NFIA: variants seen among roughly 807,000 people sequenced by gnomAD.
The protein encoded by NFIA is nuclear factor I A.
A neutral mutation model predicts 62.8 loss-of-function variants in NFIA; 8 were observed. The ratio of observed to expected loss-of-function variants is 0.13; its 90% confidence interval spans 0.07 to 0.23. The LOEUF (loss-of-function observed/expected upper bound fraction) is 0.23. NFIA is among the 10% of genes least tolerant of loss of function. The probability of loss-of-function intolerance (pLI) is 1.00; values close to 1 mark genes in which losing one functional copy is unlikely to be tolerated. For synonymous variants in NFIA, 235 were observed against 238.1 expected, an observed-to-expected ratio of 0.99 and a Z score of 0.12; for missense variants, 410 against 642.1, an observed-to-expected ratio of 0.64 and a Z score of 3.91.
intron 2 of NFIA, among the ~76,000 whole-genome samples, chr1:61,133,539 T>C (rs920038964): frequency 6.6e-6 from 1 of 152,168 alleles, no homozygotes; most frequent in Non-Finnish European, 1.5e-5. Context: ...CAGTAAATAT[T>C]TGTTGAGTGA....
At chr1:61,395,456 C>T (rs12072379) in intron 7 of NFIA, among the ~76,000 whole-genome samples, 1 of 151,878 alleles carries the variant, frequency 6.6e-6, no homozygotes, top group Admixed American at 6.6e-5. Context: ...GATTCCCTCC[C>T]TTTTTCTGTT....
chr1:61,450,890 C>G (rs968319446), intron 10 of NFIA, among the ~76,000 whole-genome samples: 1 of 152,108 alleles, frequency 6.6e-6, no homozygotes, highest in African/African-American at 2.4e-5. Context: ...TTTCTTTTTC[C>G]TCTAGAATGT....
intron 9 of NFIA, among the ~76,000 whole-genome samples, chr1:61,410,099 A>G (rs1201924474): frequency 6.6e-6 from 1 of 152,092 alleles, no homozygotes; most frequent in Non-Finnish European, 1.5e-5. Flanking sequence ...ATGGGGATCT[A>G]TTGAGGGAAA....
intron 10 of NFIA, among the ~76,000 whole-genome samples, chr1:61,426,979 C>T (rs984901636): frequency 6.6e-6 from 1 of 152,124 alleles, no homozygotes; most frequent in Admixed American, 6.5e-5. Flanking sequence ...GGTCCCCAGG[C>T]ACCTGGCAAG....
chr1:61,206,091 A>G (rs1652882748), intron 2 of NFIA, among the ~76,000 whole-genome samples: 1 of 151,786 alleles, frequency 6.6e-6, no homozygotes, highest in Non-Finnish European at 1.5e-5. Flanking sequence ...ATGCCCAACT[A>G]ATGTTTTTAA....
chr1:61,355,777 A>G (rs914511690), intron 5 of NFIA, among the ~76,000 whole-genome samples: 6 of 152,060 alleles, frequency 3.9e-5, no homozygotes, highest in African/African-American at 1.4e-4. Context: ...TGTAAAGACA[A>G]GGTCTCGCTA....
At chr1:61,441,359 C>A (rs1251222754) in intron 10 of NFIA, among the ~76,000 whole-genome samples, 5 of 138,964 alleles carry the variant, frequency 3.6e-5, no homozygotes, top group African/African-American at 5.3e-5. Flanking sequence ...GTCTGTGTAA[C>A]CTGTGCTTCC....
chr1:61,202,093 T>C (rs1323625755), intron 2 of NFIA, among the ~76,000 whole-genome samples: 2 of 152,202 alleles, frequency 1.3e-5, no homozygotes, highest in African/African-American at 4.8e-5. Context: ...TGCCCTGATA[T>C]TCCAGAAGGA....
intron 2 of NFIA, among the ~76,000 whole-genome samples, chr1:61,240,082 T>G (rs1655253083): frequency 2.0e-5 from 3 of 152,144 alleles, no homozygotes; most frequent in African/African-American, 7.2e-5. Context: ...TTCAGCATAA[T>G]GTCTTTCTAC....
chr1:61,132,373 ATTC>A (rs986563452), intron 2 of NFIA, among the ~76,000 whole-genome samples: 2 of 152,208 alleles, frequency 1.3e-5, no homozygotes, highest in Admixed American at 6.5e-5. Flanking sequence ...CAGTTTCAGT[ATTC>A]TTTTCACGAT....
chr1:61,167,526 C>T (rs575497843), intron 2 of NFIA, among the ~76,000 whole-genome samples: 16 of 152,168 alleles, frequency 1.1e-4, no homozygotes, highest in African/African-American at 2.4e-4. Flanking sequence ...TTTTTGGTAG[C>T]GGTGTTTCTG....
At chr1:61,093,612 A>T (rs1283582668) in intron 2 of NFIA, among the ~76,000 whole-genome samples, 1 of 152,244 alleles carries the variant, frequency 6.6e-6, no homozygotes, top group African/African-American at 2.4e-5. Context: ...TAACTTGAGG[A>T]TAGTAACAAT....
intron 2 of NFIA, among the ~76,000 whole-genome samples, chr1:61,218,060 T>A (rs1333477949): frequency 6.6e-6 from 1 of 152,234 alleles, no homozygotes; most frequent in Non-Finnish European, 1.5e-5. Flanking sequence ...TCCTAAGGCA[T>A]GATTATATAT....
At chr1:61,306,442 A>AT (rs2100340256) in intron 3 of NFIA, among the ~76,000 whole-genome samples, 1 of 151,406 alleles carries the variant, frequency 6.6e-6, no homozygotes, top group African/African-American at 2.4e-5. Context: ...TGCCTGGCTA[A>AT]TTTTGGTATT....
intron 2 of NFIA, among the ~76,000 whole-genome samples, chr1:61,202,287 G>T (rs1652555471): frequency 6.6e-6 from 1 of 152,166 alleles, no homozygotes; most frequent in East Asian, 1.9e-4. Context: ...TTTTGGGGAA[G>T]GAGGATGGAA....
intron 9 of NFIA, among the ~76,000 whole-genome samples, chr1:61,408,718 A>G (rs2100528917): frequency 6.6e-6 from 1 of 152,346 alleles, no homozygotes; most frequent in African/African-American, 2.4e-5. Flanking sequence ...TGGCTGTTCA[A>G]GTCTAAAGGA....
At chr1:61,236,890 A>G (rs536761636) in intron 2 of NFIA, among the ~76,000 whole-genome samples, 1 of 152,202 alleles carries the variant, frequency 6.6e-6, no homozygotes, top group Non-Finnish European at 1.5e-5. Flanking sequence ...AGAAAACAGA[A>G]CAACCTCTTT....
intron 3 of NFIA, among the ~76,000 whole-genome samples, 158 bp from the exon 4 acceptor site, chr1:61,332,354 A>T (rs1661341257): frequency 6.6e-6 from 1 of 152,242 alleles, no homozygotes; most frequent in South Asian, 2.1e-4. Context: ...CTATCTGCTT[A>T]GCTAAATGAC....
intron 2 of NFIA, among the ~76,000 whole-genome samples, chr1:61,114,986 TTTTG>T (rs1646772037): frequency 6.6e-6 from 1 of 152,200 alleles, no homozygotes; most frequent in Non-Finnish European, 1.5e-5. Context: ...TTTGTTTTGT[TTTTG>T]TTTATTTTGG....
Sources: gnomAD v4.1 joint callset for allele counts (sites outside exome capture counted in the v4.1 genomes callset) on GRCh38, gnomAD v4.1.1 for gene constraint, MANE v1.5 for transcripts, NCBI Gene and HGNC (gene_info 2026-07-23, HGNC 2026-07-21) for gene names.